LMO1: variants seen among roughly 807,000 people sequenced by gnomAD.
The protein encoded by LMO1 is rhombotin-1.
A neutral mutation model predicts 18.0 loss-of-function variants in LMO1; 10 were observed. The observed-to-expected ratio is 0.55, with a 90% CI of 0.34 to 0.94. The LOEUF (loss-of-function observed/expected upper bound fraction) is 0.94. LMO1 is among the 40% of genes least tolerant of loss of function. LMO1 has a pLI of 0.02. For synonymous variants in LMO1, 77 were observed against 77.9 expected (o/e 0.99, Z 0.06); for missense variants, 183 against 205.7 (o/e 0.89, Z 0.68).
At chr11:8,227,143 A>G (rs1393326985) in intron 2 of LMO1, 43 bp from the exon 3 acceptor site, 59 of 1,587,528 alleles carry the variant, frequency 3.7e-5, no homozygotes, top group Non-Finnish European at 4.9e-5. Flanking sequence ...CATTCTGGGA[A>G]GCTGGGTGGG....
intron 1 of LMO1, among the ~76,000 whole-genome samples, chr11:8,260,190 G>A (rs140344383): frequency 1.3e-5 from 2 of 152,248 alleles, no homozygotes; most frequent in African/African-American, 2.4e-5. Flanking sequence ...GCCTCTTCTC[G>A]AACAGCCCAG....
At chr11:8,258,974 C>T (rs1179256116) in intron 1 of LMO1, among the ~76,000 whole-genome samples, 1 of 152,210 alleles carries the variant, frequency 6.6e-6, no homozygotes, top group Non-Finnish European at 1.5e-5. Context: ...TGTAATTGGG[C>T]ATCAGTAGTT....
At chr11:8,261,432 G>A (rs1374167622) in intron 1 of LMO1, among the ~76,000 whole-genome samples, 1 of 152,212 alleles carries the variant, frequency 6.6e-6, no homozygotes, top group African/African-American at 2.4e-5. Context: ...AGAGCCAGAG[G>A]CATCATGTGG....
intron 1 of LMO1, among the ~76,000 whole-genome samples, chr11:8,236,281 T>G (rs1435943577): frequency 6.6e-6 from 1 of 150,534 alleles, no homozygotes; most frequent in Non-Finnish European, 1.5e-5. Context: ...AGCCTCAACC[T>G]CCCGGCTTAA....
intron 1 of LMO1, among the ~76,000 whole-genome samples, chr11:8,252,167 G>A (rs1272834999): frequency 6.6e-6 from 1 of 152,140 alleles, no homozygotes; most frequent in Non-Finnish European, 1.5e-5. Flanking sequence ...TCTTCAACAT[G>A]CCAACTTGCT....
chr11:8,225,862 A>G (rs1021949908), intron 3 of LMO1, among the ~76,000 whole-genome samples: 1 of 152,198 alleles, frequency 6.6e-6, no homozygotes. Context: ...TTCAGGGAGC[A>G]CTTGTATGCG....
At chr11:8,248,752 A>C (rs1846938103) in intron 1 of LMO1, among the ~76,000 whole-genome samples, 1 of 152,224 alleles carries the variant, frequency 6.6e-6, no homozygotes, top group African/African-American at 2.4e-5. Context: ...CTTTACAGAC[A>C]GATCAGAGGA....
Position 8,232,060 on chromosome 11 carries a change from T to C in LMO1, c.26-1556A>G, listed in dbSNP as rs181849964. Among the ~76,000 whole-genome samples the C allele has an allele frequency of 9.6e-4, 146 of 152,236 alleles. 11 individuals carry two copies. The highest frequency in any genetic ancestry group is 5.1e-4 in the Non-Finnish European group (35 of 68,012). ...GGCCCCAGGGCTCCTTCTCCTCTCC[T>C]GTGCTCGCTCTCAGCCCAGCTGGCT... On this transcript the variant is annotated intron_variant, in intron 1 of 3. Transcript: ENST00000335790.
intron 1 of LMO1, among the ~76,000 whole-genome samples, chr11:8,244,063 T>C (rs1846845412): frequency 6.6e-6 from 1 of 152,182 alleles, no homozygotes; most frequent in Non-Finnish European, 1.5e-5. Flanking sequence ...CACATAAACA[T>C]GAATGAGTGT....
chr11:8,227,949 G>T (rs1952578303), intron 2 of LMO1, among the ~76,000 whole-genome samples: 1 of 152,220 alleles, frequency 6.6e-6, no homozygotes, highest in South Asian at 2.1e-4. Flanking sequence ...GACTACAGGT[G>T]TGAGCCACTG....
At chr11:8,267,079 T>C (rs1565191275), upstream of LMO1, among the ~76,000 whole-genome samples, 1 of 152,248 alleles carries the variant, frequency 6.6e-6, no homozygotes. Flanking sequence ...CGGCAAACTT[T>C]TCCTCTTTTG....
chr11:8,225,221 G>A (rs1952513098), intron 3 of LMO1, among the ~76,000 whole-genome samples: 1 of 151,776 alleles, frequency 6.6e-6, no homozygotes, highest in South Asian at 2.1e-4. Flanking sequence ...AGACCAGCCT[G>A]GCCAAGGTGG....
upstream of LMO1, among the ~76,000 whole-genome samples, chr11:8,265,648 C>G (rs1847253735): frequency 6.6e-6 from 1 of 152,210 alleles, no homozygotes; most frequent in Non-Finnish European, 1.5e-5. Flanking sequence ...CCACTGCCGC[C>G]AGACCCATGC....
intron 1 of LMO1, among the ~76,000 whole-genome samples, chr11:8,244,677 C>T (rs962532348): frequency 1.3e-5 from 2 of 152,242 alleles, no homozygotes; most frequent in African/African-American, 4.8e-5. Context: ...CTAACTGAGG[C>T]AGTCATGTGA....
At chr11:8,268,543 C>T, upstream of LMO1, 2 of 1,084,718 alleles carry the variant, frequency 1.8e-6, no homozygotes, top group Non-Finnish European at 2.3e-6. Context: ...TCCCGCCGGC[C>T]CCGCGCGGGC....
chr11:8,267,641 CTT>C (rs1847274675), upstream of LMO1, among the ~76,000 whole-genome samples: 1 of 152,218 alleles, frequency 6.6e-6, no homozygotes, highest in East Asian at 1.9e-4. Flanking sequence ...GCGTGGGGCT[CTT>C]TAAGAAAAGG....
rs34847129 is a variant in LMO1 at position 8,225,404 on chromosome 11, CAAA to C, written c.366-686_366-684del. On this transcript the variant is annotated intron_variant, in intron 3 of 3. Transcript: ENST00000335790. The stretch of plus-strand genomic sequence containing the variant: ...TGGGCGACAGAGTAAGACTCCATCT[CAAA>C]AAAAAAAAAAAAAAAAAAAAAAAAA... 3.7e-3 allele frequency among the ~76,000 whole-genome samples: 128 copies of C among 34,660 alleles called. 1 individual carries two copies. Among genetic ancestry groups the C allele is most frequent in the South Asian group, 0.014 (7 of 494 alleles). 22.7% of individuals were successfully genotyped at this position (34,660 alleles called of 152,430 possible).
At chr11:8,247,611 C>T (rs138026238) in intron 1 of LMO1, among the ~76,000 whole-genome samples, 106 of 152,354 alleles carry the variant, frequency 7.0e-4, no homozygotes, top group African/African-American at 2.2e-3. Flanking sequence ...GACCAGCCTC[C>T]AATCCTCCCA....
intron 2 of LMO1, among the ~76,000 whole-genome samples, chr11:8,228,427 T>C (rs1952588909): frequency 6.6e-6 from 1 of 152,250 alleles, no homozygotes; most frequent in African/African-American, 2.4e-5. Flanking sequence ...CCATTATTCA[T>C]CAGCTTGAGC....
Sources: gnomAD v4.1 joint callset for allele counts (sites outside exome capture counted in the v4.1 genomes callset) on GRCh38, gnomAD v4.1.1 for gene constraint, MANE v1.5 for transcripts, NCBI Gene and HGNC (gene_info 2026-07-23, HGNC 2026-07-21) for gene names.